MAMDC2: variants seen among roughly 807,000 people sequenced by gnomAD.
MAMDC2 encodes the protein MAM domain-containing protein 2.
Under a neutral mutation model 89.8 loss-of-function variants are expected in MAMDC2, and 57 were observed. The observed-to-expected ratio is 0.63, with a 90% CI of 0.51 to 0.79. The LOEUF is 0.79. Ranked by LOEUF, MAMDC2 falls within the 30% of genes least tolerant of loss-of-function variation. The pLI, the probability that MAMDC2 is intolerant of heterozygous loss-of-function variation, is 0.00. For missense variants in MAMDC2, 800 were observed against 820.6 expected (o/e 0.97, Z 0.31); for synonymous variants, 313 against 293.4 (o/e 1.07, Z -0.68).
At chr9:70,108,185 T>C in intron 2 of MAMDC2, 26 bp from the exon 3 acceptor site, 6 of 1,511,172 alleles carry the variant, frequency 4.0e-6, no homozygotes, top group Non-Finnish European at 5.3e-6. Flanking sequence ...AATTGATCCT[T>C]TTCCTATGTT....
rs1164900788 is a variant in MAMDC2, at chr9:70,070,110, TC to T, written c.148+25415del. On this transcript the variant is annotated intron_variant, in intron 2 of 13. Coordinates refer to ENST00000377182, the MANE Select transcript of MAMDC2 (RefSeq NM_153267.5). ...TGTGGGAGATTCACTAATACCTAAA[TC>T]CTTCCTTGGCCAGTAACTCTGTGAT... Among the ~76,000 whole-genome samples the T allele has an allele frequency of 1.1e-4, 16 of 152,284 alleles. No homozygotes were observed. The East Asian group carries it at 2.9e-3, about 28-fold the overall frequency.
chr9:70,123,248 T>A (rs1488673340), intron 5 of MAMDC2, among the ~76,000 whole-genome samples: 1 of 152,228 alleles, frequency 6.6e-6, no homozygotes, highest in Non-Finnish European at 1.5e-5. Context: ...GATATTCACA[T>A]GAGTTCTTAG....
chr9:70,146,738 G>T (rs1231194862), intron 9 of MAMDC2, among the ~76,000 whole-genome samples: 1 of 151,918 alleles, frequency 6.6e-6, no homozygotes, highest in Non-Finnish European at 1.5e-5. Context: ...TTCGAGACCA[G>T]CCTGGCCAAC....
chr9:70,051,429 G>A (rs1320641084), intron 2 of MAMDC2, among the ~76,000 whole-genome samples: 2 of 152,142 alleles, frequency 1.3e-5, no homozygotes, highest in Non-Finnish European at 2.9e-5. Flanking sequence ...AATAATTTTT[G>A]TCAGAGGACT....
chr9:70,198,191 C>T (rs2118620927), intron 11 of MAMDC2, among the ~76,000 whole-genome samples: 1 of 147,514 alleles, frequency 6.8e-6, no homozygotes, highest in East Asian at 2.0e-4. Context: ...TACACACACA[C>T]ACACACAATA....
chr9:70,113,123 A>T lies in MAMDC2; in HGVS notation c.634A>T (p.Ser212Cys). ...SILPQDHTFK[S>C]ELGHYMYVDS... is the part of the protein sequence containing the mutation. ...TCTCCCACAGGATCACACCTTCAAGAGTGAACTGGGTGAGCTGGGATCAAA... is the reference window on the plus strand; with the variant it reads ...TCTCCCACAGGATCACACCTTCAAGTGTGAACTGGGTGAGCTGGGATCAAA... Residue 212 changes from serine to cysteine, a missense_variant, in exon 5 of 14, where the codon AGT becomes TGT. Physicochemically the swap from Ser to Cys is moderately radical, Grantham distance 112. Transcript: ENST00000377182. 6.2e-7 allele frequency: 1 copy of T among 1,614,022 alleles called. No individual in the cohort carries two copies. Among genetic ancestry groups the T allele is most frequent in the Non-Finnish European group, 8.5e-7 (1 of 1,179,958 alleles).
chr9:70,052,514 T>A (rs1170281551), intron 2 of MAMDC2, among the ~76,000 whole-genome samples: 1 of 152,208 alleles, frequency 6.6e-6, no homozygotes, highest in Non-Finnish European at 1.5e-5. Flanking sequence ...CTTTTCCAGA[T>A]GAAAACCCTC....
At chr9:70,147,408 G>C (rs1305819017) in intron 9 of MAMDC2, among the ~76,000 whole-genome samples, 1 of 149,708 alleles carries the variant, frequency 6.7e-6, no homozygotes, top group Non-Finnish European at 1.5e-5. Flanking sequence ...AGCTGTGTTG[G>C]CTGACTCCCT....
chr9:70,078,687 A>G (rs1047548493), intron 2 of MAMDC2, among the ~76,000 whole-genome samples: 1 of 152,198 alleles, frequency 6.6e-6, no homozygotes, highest in African/African-American at 2.4e-5. Context: ...ACATGAAAAC[A>G]TAGCTCAAAG....
intron 2 of MAMDC2, chr9:70,087,699 G>T (rs1164113536): frequency 6.6e-6 from 1 of 152,098 alleles, no homozygotes; most frequent in Non-Finnish European, 1.5e-5. Context: ...AGGAAGGGCA[G>T]ATTTTCCAAA....
chr9:70,098,829 C>T (rs1341474883), intron 2 of MAMDC2, among the ~76,000 whole-genome samples: 4 of 152,032 alleles, frequency 2.6e-5, no homozygotes, highest in Non-Finnish European at 5.9e-5. Context: ...TCTCTGTTTC[C>T]TTATTTGTAA....
At chr9:70,090,585 T>G (rs1396450329) in intron 2 of MAMDC2, 1 of 151,930 alleles carries the variant, frequency 6.6e-6, no homozygotes, top group Non-Finnish European at 1.5e-5. Context: ...TGTTTAAATA[T>G]CAAAAAGTTT....
intron 2 of MAMDC2, among the ~76,000 whole-genome samples, chr9:70,047,560 C>T (rs1007895543): frequency 6.6e-6 from 1 of 152,196 alleles, no homozygotes; most frequent in Admixed American, 6.5e-5. Flanking sequence ...GCATAGTATT[C>T]CATGCTGTAT....
chr9:70,047,259 A>T (rs1227349086), intron 2 of MAMDC2, among the ~76,000 whole-genome samples: 1 of 151,870 alleles, frequency 6.6e-6, no homozygotes, highest in Non-Finnish European at 1.5e-5. Flanking sequence ...CACAGGTATA[A>T]ATGTGAATGG....
At position 70,143,543 on chromosome 9, in the gene MAMDC2, C is replaced by T. The variant is rs770126112; in HGVS notation, c.1139-11C>T. ...ATTTTGCATTGCTGATATGCTTTAT[C>T]TTCTTTGCAGGGTATTACCTGCTAG... is the stretch of plus-strand genomic sequence containing the variant. On this transcript the variant is annotated splice_polypyrimidine_tract_variant and intron_variant, in intron 8 of 13. Coordinates refer to ENST00000377182, the MANE Select transcript of MAMDC2 (RefSeq NM_153267.5). 1.9e-6 allele frequency: 3 copies of T among 1,612,804 alleles called. No homozygotes were observed. The East Asian group carries it at 6.7e-5, about 36-fold the overall frequency.
chr9:70,203,799 ATTCAT>A (rs1335791748), intron 11 of MAMDC2, among the ~76,000 whole-genome samples: 1 of 123,084 alleles, frequency 8.1e-6, no homozygotes, highest in Admixed American at 9.1e-5. Flanking sequence ...GCTTCATTTC[ATTCAT>A]TTCATCTTCC....
intron 11 of MAMDC2, among the ~76,000 whole-genome samples, chr9:70,204,262 T>C (rs1317094211): frequency 6.7e-6 from 1 of 150,310 alleles, no homozygotes; most frequent in Non-Finnish European, 1.5e-5. Context: ...GTTTGTTAGT[T>C]TTCCTTCTAA....
chr9:70,109,659 T>C (rs1480417784), intron 3 of MAMDC2, 61 bp from the exon 4 acceptor site: 1 of 1,379,296 alleles, frequency 7.3e-7, no homozygotes, highest in East Asian at 2.3e-5. Context: ...GCTGAAATAC[T>C]GAACCAAGGA....
In MAMDC2 at chr9:70,091,855, C is replaced by A. The variant is rs142949191; in HGVS notation, c.149-16356C>A. Among the ~76,000 whole-genome samples the A allele has an allele frequency of 4.5e-3, 684 of 152,314 alleles. 7 individuals are homozygous for A. The highest frequency in any genetic ancestry group is 0.016 in the African/African-American group (655 of 41,558). Reference sequence around the variant, plus strand: ...GCAACCAACTTATTGAAACCTACTGCCTTGTTTTCTCCCAACTTTACTGTG... The same window carrying A: ...GCAACCAACTTATTGAAACCTACTGACTTGTTTTCTCCCAACTTTACTGTG... On this transcript the variant is annotated intron_variant, in intron 2 of 13. Transcript: ENST00000377182.
Sources: allele counts gnomAD v4.1 joint callset (sites outside exome capture counted in the v4.1 genomes callset), GRCh38; gene constraint gnomAD v4.1.1; transcripts MANE v1.5; gene names NCBI Gene and HGNC (gene_info 2026-07-23, HGNC 2026-07-21).